STK32B: variants seen among roughly 807,000 people sequenced by gnomAD.
The protein encoded by STK32B is serine/threonine kinase 32B.
In STK32B, 43 loss-of-function variants were observed where a neutral mutation model predicts 52.6. The ratio of observed to expected loss-of-function variants is 0.82; its 90% CI spans 0.64 to 1.05. The LOEUF is 1.05. STK32B is among the 50% of genes least tolerant of loss of function. The probability of loss-of-function intolerance (pLI) is 0.00; values close to 1 mark genes in which losing one functional copy is unlikely to be tolerated. For missense variants in STK32B, 621 were observed against 534.6 expected (o/e 1.16, Z -1.59); for synonymous variants, 238 against 204.3 (o/e 1.17, Z -1.41).
At chr4:5,311,945 G>T (rs1730322889) in intron 3 of STK32B, among the ~76,000 whole-genome samples, 2 of 148,500 alleles carry the variant, frequency 1.3e-5, no homozygotes, top group Admixed American at 6.7e-5. Context: ...TTATTTTTAT[G>T]AAAGTAGTAG....
At position 5,487,192 on chromosome 4, in the gene STK32B, G is replaced by T. The variant is rs564329067; in HGVS notation, c.1107-11753G>T. Among the ~76,000 whole-genome samples the T allele has an allele frequency of 7.9e-5, 12 of 152,280 alleles. No homozygotes were observed. In the East Asian group the frequency reaches 9.7e-4, roughly 12 times the overall value. On this transcript the variant is annotated intron_variant, in intron 11 of 11. Coordinates refer to ENST00000282908, the MANE Select transcript of STK32B (RefSeq NM_018401.3). The stretch of plus-strand genomic sequence containing the variant: ...TTGCAGGGAAGATATGTGGGTCTTT[G>T]TCAGGGACCCAAACCACAGTAAAGT...
intron 1 of STK32B, among the ~76,000 whole-genome samples, chr4:5,099,315 T>C (rs958214493): frequency 7.2e-5 from 11 of 152,170 alleles, no homozygotes; most frequent in Non-Finnish European, 1.6e-4. Context: ...TCTCAGGTTC[T>C]AGGAACTAGA....
At chr4:5,474,429 C>G (rs1718080556) in intron 11 of STK32B, among the ~76,000 whole-genome samples, 1 of 152,240 alleles carries the variant, frequency 6.6e-6, no homozygotes, top group African/African-American at 2.4e-5. Flanking sequence ...TTTGACTTTA[C>G]CAAGGTCTGT....
chr4:5,155,442 C>T (rs955675429), intron 2 of STK32B, among the ~76,000 whole-genome samples: 16 of 152,192 alleles, frequency 1.1e-4, no homozygotes, highest in Non-Finnish European at 4.4e-5. Flanking sequence ...TGCACACACA[C>T]ACTCACATGC....
At chr4:5,261,262 C>T (rs573297779) in intron 3 of STK32B, among the ~76,000 whole-genome samples, 8 of 152,188 alleles carry the variant, frequency 5.3e-5, no homozygotes, top group Non-Finnish European at 7.4e-5. Context: ...CTGAGGCTGC[C>T]GACAGCCATC....
chr4:5,491,821 T>C (rs1719760648), intron 11 of STK32B, among the ~76,000 whole-genome samples: 1 of 152,066 alleles, frequency 6.6e-6, no homozygotes, highest in Non-Finnish European at 1.5e-5. Flanking sequence ...CCCAGCACCA[T>C]TTATTAAATA....
At chr4:5,367,540 C>T (rs556087362) in intron 4 of STK32B, among the ~76,000 whole-genome samples, 1 of 152,226 alleles carries the variant, frequency 6.6e-6, no homozygotes, top group Admixed American at 6.5e-5. Flanking sequence ...GAGCATAGGG[C>T]TGGAAGGCCA....
At chr4:5,491,700 T>A (rs951767405) in intron 11 of STK32B, among the ~76,000 whole-genome samples, 31 of 152,250 alleles carry the variant, frequency 2.0e-4, no homozygotes, top group African/African-American at 7.2e-4. Context: ...TCTAGGGTTT[T>A]TATGGTTTTA....
chr4:5,355,309 C>T (rs199587318), intron 4 of STK32B, among the ~76,000 whole-genome samples: 2 of 152,136 alleles, frequency 1.3e-5, no homozygotes, highest in African/African-American at 2.4e-5. Flanking sequence ...AAGCCTGCCC[C>T]GTGCCCATCT....
intron 3 of STK32B, among the ~76,000 whole-genome samples, chr4:5,232,961 C>A (rs1302558333): frequency 2.0e-5 from 3 of 152,208 alleles, no homozygotes; most frequent in Non-Finnish European, 4.4e-5. Flanking sequence ...CTCCACACAG[C>A]TCCCTTTGTC....
intron 3 of STK32B, among the ~76,000 whole-genome samples, chr4:5,181,018 G>A (rs200558539): frequency 0.074 from 11,249 of 152,136 alleles, 555 homozygotes; most frequent in African/African-American, 0.12. Flanking sequence ...ATGAGTGGGA[G>A]CCCTGGTGGG....
chr4:5,045,813 T>G, the STK32B span, among the ~76,000 whole-genome samples: 2 of 152,146 alleles, frequency 1.3e-5, no homozygotes. Context: ...GGGGCTGAGA[T>G]GATGGGGTTT....
chr4:5,315,399 A>G, intron 3 of STK32B, among the ~76,000 whole-genome samples: 1 of 151,842 alleles, frequency 6.6e-6, no homozygotes, highest in Non-Finnish European at 1.5e-5. Context: ...AAGATAAGCC[A>G]CAAAACAGTA....
intron 5 of STK32B, among the ~76,000 whole-genome samples, chr4:5,401,462 A>C (rs1368839428): frequency 6.6e-6 from 1 of 152,220 alleles, no homozygotes; most frequent in African/African-American, 2.4e-5. Context: ...TCTGCTAGTT[A>C]CACAAAATCC....
intron 3 of STK32B, among the ~76,000 whole-genome samples, chr4:5,260,235 A>G (rs891521770): frequency 6.6e-6 from 1 of 152,206 alleles, no homozygotes. Flanking sequence ...ATTGCAAATT[A>G]GCAACACCCT....
chr4:5,375,034 A>G (rs921962204), intron 4 of STK32B, among the ~76,000 whole-genome samples: 3 of 152,180 alleles, frequency 2.0e-5, no homozygotes, highest in African/African-American at 7.2e-5. Context: ...TTCTCCTCCC[A>G]TGAGCCAAGG....
intron 3 of STK32B, among the ~76,000 whole-genome samples, chr4:5,173,723 A>T (rs1719584833): frequency 6.6e-6 from 1 of 152,192 alleles, no homozygotes; most frequent in Non-Finnish European, 1.5e-5. Flanking sequence ...TTTACTTCCA[A>T]CTATGTGGTC....
chr4:5,235,622 T>C (rs1385601331), intron 3 of STK32B, among the ~76,000 whole-genome samples: 1 of 152,104 alleles, frequency 6.6e-6, no homozygotes, highest in Non-Finnish European at 1.5e-5. Flanking sequence ...GGATCCTACT[T>C]TAATAAATCC....
At chr4:5,482,196 A>G (rs1023929199) in intron 11 of STK32B, among the ~76,000 whole-genome samples, 20 of 152,234 alleles carry the variant, frequency 1.3e-4, no homozygotes, top group African/African-American at 4.8e-4. Flanking sequence ...TTTTCACGAT[A>G]TTGATTCTTC....
Sources: allele counts gnomAD v4.1 joint callset (sites outside exome capture counted in the v4.1 genomes callset), GRCh38; gene constraint gnomAD v4.1.1; transcripts MANE v1.5; gene names NCBI Gene and HGNC (gene_info 2026-07-23, HGNC 2026-07-21).